Variants in SLC8A1 observed in about 807,000 individuals in gnomAD.
SLC8A1 encodes the protein solute carrier family 8 member A1, also known as sodium/calcium exchanger 1.
Under a neutral mutation model 68.3 loss-of-function variants are expected in SLC8A1, and 18 were observed. The ratio of observed to expected loss-of-function variants is 0.26; its 90% CI spans 0.18 to 0.39. The LOEUF (loss-of-function observed/expected upper bound fraction) is 0.39. Ranked by LOEUF, SLC8A1 falls within the 10% of genes least tolerant of loss-of-function variation. The pLI is 1.00. For missense variants in SLC8A1, 985 were observed against 1,156.7 expected (o/e 0.85, Z 2.15); for synonymous variants, 475 against 415.5 (o/e 1.14, Z -1.74).
intron 2 of SLC8A1, among the ~76,000 whole-genome samples, chr2:40,368,552 C>G (rs967143260): frequency 1.3e-5 from 2 of 151,934 alleles, no homozygotes; most frequent in Admixed American, 1.3e-4. Flanking sequence ...ACAGAATTAT[C>G]TTCCTCTTAT....
At chr2:40,106,477 A>G (rs1461262701) in exon 8 of SLC8A1, 1 of 152,206 alleles carries the variant, frequency 6.6e-6, no homozygotes, top group South Asian at 2.1e-4. Context: ...CTCATAAAAA[A>G]AAAAACAACT....
chr2:40,306,701 T>TTTA, intron 2 of SLC8A1, among the ~76,000 whole-genome samples: 1 of 152,298 alleles, frequency 6.6e-6, no homozygotes, highest in Middle Eastern at 3.4e-3. Flanking sequence ...ACACAGTTTC[T>TTTA]TAATTAAGCC....
intron 2 of SLC8A1, among the ~76,000 whole-genome samples, chr2:40,225,466 C>T (rs544775136): frequency 1.3e-3 from 192 of 149,620 alleles, no homozygotes; most frequent in Non-Finnish European, 1.9e-3. Flanking sequence ...GGCATTTGTC[C>T]TATTCTCTTC....
intron 1 of SLC8A1, among the ~76,000 whole-genome samples, chr2:40,443,006 A>C (rs1700786970): frequency 6.7e-6 from 1 of 148,836 alleles, no homozygotes; most frequent in Non-Finnish European, 1.5e-5. Flanking sequence ...ACATAGGAAC[A>C]GAAAACCAAA....
intron 2 of SLC8A1, chr2:40,223,489 C>T (rs1339445435): frequency 2.0e-5 from 3 of 152,056 alleles, no homozygotes; most frequent in Non-Finnish European, 4.4e-5. Context: ...ACTTTCTGCA[C>T]ATGTATCCCA....
chr2:40,412,105 A>G (rs778035538), intron 2 of SLC8A1, among the ~76,000 whole-genome samples: 4 of 152,302 alleles, frequency 2.6e-5, no homozygotes, highest in South Asian at 2.1e-4. Context: ...TCTTGAACCA[A>G]ATGGTCTGAT....
intron 1 of SLC8A1, among the ~76,000 whole-genome samples, chr2:40,432,496 G>T (rs1403343565): frequency 6.8e-6 from 1 of 146,946 alleles, no homozygotes; most frequent in African/African-American, 2.5e-5. Flanking sequence ...CTCTGATAAG[G>T]TAACACTTGA....
At chr2:40,409,298 A>T (rs1191333758) in intron 2 of SLC8A1, among the ~76,000 whole-genome samples, 1 of 152,142 alleles carries the variant, frequency 6.6e-6, no homozygotes, top group Non-Finnish European at 1.5e-5. Context: ...GGAAAAAACA[A>T]ATCTGTACAT....
intron 2 of SLC8A1, among the ~76,000 whole-genome samples, chr2:40,398,244 CT>C (rs1318305742): frequency 6.6e-6 from 1 of 152,166 alleles, no homozygotes; most frequent in Non-Finnish European, 1.5e-5. Flanking sequence ...TTCAATTCCT[CT>C]TGCTGATCTG....
At chr2:40,478,958 G>C (rs1378930700) in intron 1 of SLC8A1, among the ~76,000 whole-genome samples, 1 of 151,964 alleles carries the variant, frequency 6.6e-6, no homozygotes, top group Non-Finnish European at 1.5e-5. Context: ...TTTTAGTAGA[G>C]ACGGGGTTTC....
At chr2:40,164,253 A>G (rs907804493) in intron 5 of SLC8A1, among the ~76,000 whole-genome samples, 2 of 152,182 alleles carry the variant, frequency 1.3e-5, no homozygotes, top group Non-Finnish European at 2.9e-5. Context: ...TTCTGCAAAA[A>G]TGACTTTTAT....
chr2:40,242,909 G>A (rs1419724378), intron 2 of SLC8A1, among the ~76,000 whole-genome samples: 1 of 152,146 alleles, frequency 6.6e-6, no homozygotes, highest in African/African-American at 2.4e-5. Flanking sequence ...TTTTATAAAA[G>A]CAAAGTTAAT....
In SLC8A1 at chr2:40,332,288, G is replaced by C. The variant is rs142318999; in HGVS notation, c.1808+96185C>G. Among the ~76,000 whole-genome samples, 10 of 152,220 alleles carry C rather than the reference G, an allele frequency of 6.6e-5. No homozygotes were observed. In the East Asian group the frequency reaches 1.9e-3, roughly 29 times the overall value. On this transcript the variant is annotated intron_variant, in intron 2 of 7. Coordinates refer to ENST00000406785, the Ensembl canonical transcript of SLC8A1. ...GTTTAGAAAATGCTTTTTGAGGATG[G>C]TGAAGAGCTCTGTTTTTCATTAAGT...
chr2:40,426,283 T>C (rs899898571), intron 2 of SLC8A1, among the ~76,000 whole-genome samples: 5 of 152,166 alleles, frequency 3.3e-5, no homozygotes, highest in Non-Finnish European at 5.9e-5. Flanking sequence ...AAACTTGCGA[T>C]TGATCTTCAA....
intron 2 of SLC8A1, among the ~76,000 whole-genome samples, chr2:40,386,894 A>G (rs1683735917): frequency 6.6e-6 from 1 of 151,260 alleles, no homozygotes; most frequent in Non-Finnish European, 1.5e-5. Context: ...TTCCTTGTCT[A>G]TCTTCAGTAT....
intron 2 of SLC8A1, among the ~76,000 whole-genome samples, chr2:40,369,961 G>A (rs75716320): frequency 0.027 from 4,164 of 152,146 alleles, 78 homozygotes; most frequent in Non-Finnish European, 0.041. Context: ...TAATATTTCT[G>A]TAAAGATAAA....
At chr2:40,349,926 A>G (rs1670528948) in intron 2 of SLC8A1, among the ~76,000 whole-genome samples, 1 of 152,168 alleles carries the variant, frequency 6.6e-6, no homozygotes, top group African/African-American at 2.4e-5. Flanking sequence ...GAATATAAGC[A>G]GTAATATTAA....
chr2:40,258,834 T>A (rs1025805121), intron 2 of SLC8A1, among the ~76,000 whole-genome samples: 6 of 150,646 alleles, frequency 4.0e-5, no homozygotes, highest in African/African-American at 9.8e-5. Context: ...AGAGTGAGAC[T>A]CCATCTCAAA....
At chr2:40,268,520 G>A (rs987382519) in intron 2 of SLC8A1, among the ~76,000 whole-genome samples, 11 of 152,136 alleles carry the variant, frequency 7.2e-5, no homozygotes, top group Admixed American at 2.6e-4. Flanking sequence ...GAATGCCTTG[G>A]TACCCCCCAT....
Sources: gnomAD v4.1 joint callset for allele counts (sites outside exome capture counted in the v4.1 genomes callset) on GRCh38, gnomAD v4.1.1 for gene constraint, MANE v1.5 for transcripts, NCBI Gene and HGNC (gene_info 2026-07-23, HGNC 2026-07-21) for gene names.